The following ROBO2 variants were observed in gnomAD, a reference collection of about 807,000 sequenced individuals.
ROBO2 encodes roundabout guidance receptor 2.
In ROBO2, 53 loss-of-function variants were observed where a neutral mutation model predicts 160.8. The observed-to-expected ratio is 0.33, with a 90% confidence interval of 0.26 to 0.41. The LOEUF is 0.41. Among genes scored for constraint, ROBO2 ranks in the 10% least tolerant of loss-of-function variants. The probability of loss-of-function intolerance (pLI) is 1.00; values close to 1 mark genes in which losing one functional copy is unlikely to be tolerated. For missense variants in ROBO2, 1,577 were observed against 1,722.4 expected, an observed-to-expected ratio of 0.92 and a Z score of 1.49; for synonymous variants, 664 against 611.7, an observed-to-expected ratio of 1.09 and a Z score of -1.26.
At chr3:77,562,528 A>G (rs1006677427) in intron 9 of ROBO2, 123 bp from the exon 11 acceptor site, 5 of 684,568 alleles carry the variant, frequency 7.3e-6, no homozygotes, top group South Asian at 4.8e-5. Context: ...ACTCTAATGC[A>G]TAATTTAGAC....
chr3:76,283,041 C>T (rs1192663290), intron 2 of ROBO2, among the ~76,000 whole-genome samples: 4 of 135,356 alleles, frequency 3.0e-5, no homozygotes, highest in Non-Finnish European at 6.3e-5. Context: ...AAAAAAAAAT[C>T]TGAGCCAAGT....
At chr3:76,906,814 T>C (rs1460356822) in intron 2 of ROBO2, among the ~76,000 whole-genome samples, 2 of 152,182 alleles carry the variant, frequency 1.3e-5, no homozygotes, top group Non-Finnish European at 2.9e-5. Context: ...TAGATTTTAG[T>C]TTATCCTTTT....
intron 2 of ROBO2, among the ~76,000 whole-genome samples, chr3:76,295,225 A>G (rs1559728722): frequency 6.6e-6 from 1 of 152,166 alleles, no homozygotes; most frequent in African/African-American, 2.4e-5. Context: ...TTATTGAAAA[A>G]AAAGTGTATT....
intron 2 of ROBO2, among the ~76,000 whole-genome samples, chr3:76,409,878 CATATG>C (rs2075398326): frequency 6.6e-6 from 1 of 152,098 alleles, no homozygotes; most frequent in Admixed American, 6.6e-5. Context: ...TCAGTGAAGA[CATATG>C]ATAGAGTACA....
At chr3:76,309,560 G>C (rs1200942850) in intron 2 of ROBO2, among the ~76,000 whole-genome samples, 1 of 152,062 alleles carries the variant, frequency 6.6e-6, no homozygotes, top group Non-Finnish European at 1.5e-5. Flanking sequence ...TCTTCTAAAG[G>C]TACCTCTTCC....
chr3:76,581,749 T>C (rs935653544), intron 2 of ROBO2, among the ~76,000 whole-genome samples: 15 of 152,114 alleles, frequency 9.9e-5, no homozygotes, highest in African/African-American at 3.6e-4. Flanking sequence ...TCTTAATTCA[T>C]GCACAATACA....
intron 2 of ROBO2, among the ~76,000 whole-genome samples, chr3:77,375,026 T>C (rs2072431393): frequency 6.6e-6 from 1 of 152,072 alleles, no homozygotes; most frequent in Non-Finnish European, 1.5e-5. Flanking sequence ...CTGGGCAACA[T>C]AGCAAGACCC....
intron 2 of ROBO2, among the ~76,000 whole-genome samples, chr3:77,350,679 A>G (rs1219161086): frequency 6.6e-6 from 1 of 152,260 alleles, no homozygotes. Flanking sequence ...CTGGGTTTTC[A>G]TAGAAGGAAG....
At chr3:76,721,987 A>G (rs192212875) in intron 2 of ROBO2, among the ~76,000 whole-genome samples, 2 of 152,298 alleles carry the variant, frequency 1.3e-5, no homozygotes, top group African/African-American at 4.8e-5. Context: ...ATCAGGTTTA[A>G]GTGATTTGAA....
At chr3:77,152,286 A>T (rs181362218) in intron 2 of ROBO2, among the ~76,000 whole-genome samples, 2 of 152,334 alleles carry the variant, frequency 1.3e-5, no homozygotes, top group Admixed American at 1.3e-4. Context: ...AGTAAAGAGG[A>T]AAACAAAACA....
chr3:76,642,162 A>G (rs958480088), intron 2 of ROBO2, among the ~76,000 whole-genome samples: 1 of 152,144 alleles, frequency 6.6e-6, no homozygotes, highest in Middle Eastern at 3.2e-3. Context: ...CATGAAATAC[A>G]TAGCATCACT....
intron 5 of ROBO2, among the ~76,000 whole-genome samples, chr3:77,497,423 T>G (rs1235277804): frequency 1.3e-5 from 2 of 152,182 alleles, no homozygotes; most frequent in Non-Finnish European, 2.9e-5. Flanking sequence ...TGGGTTTACC[T>G]ACATTTAGTG....
intron 2 of ROBO2, among the ~76,000 whole-genome samples, chr3:77,195,847 C>T (rs17820482): frequency 0.2 from 29,824 of 152,178 alleles, 3,370 homozygotes; most frequent in Middle Eastern, 0.31. Context: ...TATATTATCC[C>T]GAAAAGAACA....
At chr3:77,533,641 A>C (rs1212505721) in intron 6 of ROBO2, among the ~76,000 whole-genome samples, 2 of 152,140 alleles carry the variant, frequency 1.3e-5, no homozygotes, top group Non-Finnish European at 2.9e-5. Flanking sequence ...CTTCATAGCC[A>C]GCGGGGGCAC....
chr3:76,982,955 A>C (rs986869864), intron 2 of ROBO2, among the ~76,000 whole-genome samples: 1 of 152,194 alleles, frequency 6.6e-6, no homozygotes, highest in African/African-American at 2.4e-5. Context: ...AATTAAAGAA[A>C]ACTTAGCATA....
intron 2 of ROBO2, among the ~76,000 whole-genome samples, chr3:76,404,962 T>G (rs2108785843): frequency 6.6e-6 from 1 of 151,770 alleles, no homozygotes; most frequent in Admixed American, 6.6e-5. Context: ...TTAGTTGACA[T>G]AGAATTAAAA....
intron 2 of ROBO2, among the ~76,000 whole-genome samples, chr3:76,997,131 T>C (rs1445294091): frequency 2.0e-5 from 3 of 152,202 alleles, no homozygotes; most frequent in African/African-American, 7.2e-5. Flanking sequence ...GAAAGTTTTG[T>C]TTTAGGTAGT....
At chr3:76,487,113 G>T (rs970506769) in intron 2 of ROBO2, among the ~76,000 whole-genome samples, 1 of 151,978 alleles carries the variant, frequency 6.6e-6, no homozygotes, top group Non-Finnish European at 1.5e-5. Context: ...AGGACTGCAG[G>T]TGTGTGCCAC....
rs566450012 is a variant in ROBO2, at chr3:76,081,833, T to TACAC, written c.109+144234_109+144235insCACA. On this transcript the variant is annotated intron_variant, in intron 2 of 26. Coordinates refer to the ROBO2 transcript ENST00000487694. The stretch of plus-strand genomic sequence containing the variant: ...TGGAATACAAAATGGCACATGTAAA[T>TACAC]ACATACACACACACACACACACACA... Among the ~76,000 whole-genome samples the TACAC allele has an allele frequency of 1.9e-3, 265 of 136,344 alleles. 1 individual carries two copies. Among genetic ancestry groups the TACAC allele is most frequent in the African/African-American group, 7.3e-3 (250 of 34,200 alleles). 89.4% of individuals were successfully genotyped at this position (136,344 alleles called of 152,430 possible). A position where few individuals can be genotyped will look rare whatever the true frequency, so the allele number is the denominator to read the frequency against.
Sources: gnomAD v4.1 joint callset for allele counts (sites outside exome capture counted in the v4.1 genomes callset) on GRCh38, gnomAD v4.1.1 for gene constraint, MANE v1.5 for transcripts, NCBI Gene and HGNC (gene_info 2026-07-23, HGNC 2026-07-21) for gene names.